SORCS1: variants seen among roughly 807,000 people sequenced by gnomAD.
SORCS1 encodes sortilin related VPS10 domain containing receptor 1.
In SORCS1, 60 loss-of-function variants were observed where a neutral mutation model predicts 146.1. The observed-to-expected ratio is 0.41, with a 90% CI of 0.33 to 0.51. The LOEUF (loss-of-function observed/expected upper bound fraction) is 0.51, where lower values mean the gene tolerates loss of function less well. Ranked by LOEUF, SORCS1 falls within the 20% of genes least tolerant of loss-of-function variation. The pLI, the probability that SORCS1 is intolerant of heterozygous loss-of-function variation, is 0.21. For synonymous variants in SORCS1, 637 were observed against 584.0 expected (o/e 1.09, Z -1.31); for missense variants, 1,352 against 1,487.6 (o/e 0.91, Z 1.50).
chr10:107,147,585 A>G lies in SORCS1; in HGVS notation c.558+16384T>C, dbSNP rs1257683637. Among the ~76,000 whole-genome samples, 3 of 152,170 alleles carry G rather than the reference A, an allele frequency of 2.0e-5. No homozygotes were observed. In the East Asian group the frequency reaches 5.8e-4, roughly 29 times the overall value. On this transcript the variant is annotated intron_variant, in intron 1 of 25. Transcript: ENST00000263054. ...CCACTTTTGTAGAACAATTTGGATG[A>G]GACAACTCAGACAGATTATACTTCA...
chr10:106,640,115 G>GA (rs909033212), intron 18 of SORCS1, among the ~76,000 whole-genome samples: 2 of 152,156 alleles, frequency 1.3e-5, no homozygotes, highest in African/African-American at 4.8e-5. Context: ...CTTTTCTCCA[G>GA]ATGAAAAAGC....
intron 2 of SORCS1, among the ~76,000 whole-genome samples, chr10:106,933,246 T>A (rs1217893991): frequency 6.6e-6 from 1 of 152,206 alleles, no homozygotes; most frequent in Non-Finnish European, 1.5e-5. Flanking sequence ...TCATCGATTC[T>A]CTGTATTTTC....
intron 2 of SORCS1, among the ~76,000 whole-genome samples, chr10:106,863,952 T>G (rs1950127598): frequency 6.6e-6 from 1 of 152,136 alleles, no homozygotes; most frequent in South Asian, 2.1e-4. Context: ...CTTCTTGGCT[T>G]GGGTTCTTTC....
intron 1 of SORCS1, among the ~76,000 whole-genome samples, chr10:107,100,501 A>G (rs2134375585): frequency 6.7e-6 from 1 of 148,642 alleles, no homozygotes. Context: ...GCAACAGAGC[A>G]AGACTCCGCC....
intron 2 of SORCS1, among the ~76,000 whole-genome samples, chr10:106,878,029 G>C (rs1440308929): frequency 6.6e-6 from 1 of 152,068 alleles, no homozygotes; most frequent in East Asian, 1.9e-4. Flanking sequence ...ATTGAATATT[G>C]CTGGTTTCTC....
intron 2 of SORCS1, among the ~76,000 whole-genome samples, chr10:106,955,910 C>A: frequency 6.6e-6 from 1 of 151,790 alleles, no homozygotes; most frequent in East Asian, 1.9e-4. Flanking sequence ...TGCAGATCAC[C>A]TGAGGTTGGA....
chr10:106,655,295 C>A (rs990767290), intron 17 of SORCS1, among the ~76,000 whole-genome samples: 1 of 152,106 alleles, frequency 6.6e-6, no homozygotes, highest in African/African-American at 2.4e-5. Flanking sequence ...CTGGTACCAG[C>A]AATAGTAGCA....
At chr10:106,891,645 A>C (rs1476452564) in intron 2 of SORCS1, among the ~76,000 whole-genome samples, 3 of 152,042 alleles carry the variant, frequency 2.0e-5, no homozygotes, top group Non-Finnish European at 4.4e-5. Flanking sequence ...GATTACAGGC[A>C]TGAACCACGG....
intron 5 of SORCS1, among the ~76,000 whole-genome samples, chr10:106,751,058 C>CAAAAAAAAAAAAAAAAAAAAAAAA (rs35691571): frequency 1.3e-4 from 3 of 22,444 alleles, no homozygotes; most frequent in African/African-American, 2.5e-4. Flanking sequence ...GACTCCGTCT[C>CAAAAAAAAAAAAAAAAAAAAAAAA]AAAAAAAAAA....
At chr10:106,678,700 T>G (rs1852216797) in intron 12 of SORCS1, among the ~76,000 whole-genome samples, 1 of 152,184 alleles carries the variant, frequency 6.6e-6, no homozygotes, top group Non-Finnish European at 1.5e-5. Flanking sequence ...AGGAAGCACT[T>G]AAGCTAAACA....
chr10:107,040,444 A>G lies in SORCS1; in HGVS notation c.559-83864T>C, dbSNP rs981590143. 2.0e-5 allele frequency among the ~76,000 whole-genome samples: 3 copies of G among 152,200 alleles called. No homozygotes were observed. In the South Asian group the frequency reaches 6.2e-4, roughly 31 times the overall value. On this transcript the variant is annotated intron_variant, in intron 1 of 25. Transcript: ENST00000263054. ...AGAACACAGGGACAGAACATTTGTG[A>G]ATTCACCCCTTATGGTATTTGGCCC... is the stretch of plus-strand genomic sequence containing the variant.
At chr10:107,124,278 T>C (rs928211527) in intron 1 of SORCS1, among the ~76,000 whole-genome samples, 1 of 152,126 alleles carries the variant, frequency 6.6e-6, no homozygotes, top group Non-Finnish European at 1.5e-5. Flanking sequence ...TCCAAGTTCA[T>C]GACTCGTTCC....
chr10:107,097,173 A>C (rs1352425290), intron 1 of SORCS1, among the ~76,000 whole-genome samples: 1 of 152,160 alleles, frequency 6.6e-6, no homozygotes. Flanking sequence ...CTGAATAAAA[A>C]CCTCTGTGCT....
intron 1 of SORCS1, among the ~76,000 whole-genome samples, chr10:107,072,000 G>A (rs886628884): frequency 5.9e-5 from 9 of 152,168 alleles, no homozygotes; most frequent in African/African-American, 2.2e-4. Flanking sequence ...TGGCTCCTCT[G>A]GCATCTCTGG....
chr10:106,818,385 T>TC, intron 3 of SORCS1, among the ~76,000 whole-genome samples: 1 of 151,442 alleles, frequency 6.6e-6, no homozygotes, highest in Non-Finnish European at 1.5e-5. Flanking sequence ...TTTTTTTTTT[T>TC]AGATGGATTC....
At chr10:106,985,644 C>A (rs954802225) in intron 1 of SORCS1, among the ~76,000 whole-genome samples, 5 of 150,598 alleles carry the variant, frequency 3.3e-5, no homozygotes, top group Non-Finnish European at 7.4e-5. Flanking sequence ...TCAAGCGATT[C>A]TCCTGCCTCA....
intron 24 of SORCS1, among the ~76,000 whole-genome samples, chr10:106,581,076 A>G (rs1380146717): frequency 6.6e-6 from 1 of 152,224 alleles, no homozygotes; most frequent in Admixed American, 6.5e-5. Flanking sequence ...TCTCAATGCC[A>G]TCGGCAGAGA....
chr10:106,691,622 C>T (rs1377548851), intron 9 of SORCS1, among the ~76,000 whole-genome samples: 1 of 152,152 alleles, frequency 6.6e-6, no homozygotes, highest in Middle Eastern at 3.2e-3. Context: ...CTTCCCTTCT[C>T]TTATCTGACT....
intron 4 of SORCS1, among the ~76,000 whole-genome samples, chr10:106,763,422 T>A (rs1475546116): frequency 6.6e-6 from 1 of 152,228 alleles, no homozygotes; most frequent in African/African-American, 2.4e-5. Context: ...TTTGTGAGCA[T>A]ATAGAGGCCC....
Sources: allele counts gnomAD v4.1 joint callset (sites outside exome capture counted in the v4.1 genomes callset), GRCh38; gene constraint gnomAD v4.1.1; transcripts MANE v1.5; gene names NCBI Gene and HGNC (gene_info 2026-07-23, HGNC 2026-07-21).